Variants in THEMIS observed in about 807,000 individuals in gnomAD.
THEMIS encodes thymocyte selection associated, also known as protein THEMIS.
A neutral mutation model predicts 52.6 loss-of-function variants in THEMIS; 37 were observed. The ratio of observed to expected loss-of-function variants is 0.70; its 90% confidence interval spans 0.54 to 0.93. The LOEUF (loss-of-function observed/expected upper bound fraction) is 0.93, where lower values mean the gene tolerates loss of function less well. Ranked by LOEUF, THEMIS falls within the 40% of genes least tolerant of loss-of-function variation. THEMIS has a pLI of 0.00. For missense variants in THEMIS, 808 were observed against 763.1 expected (o/e 1.06, Z -0.69); for synonymous variants, 292 against 272.7 (o/e 1.07, Z -0.70).
At chr6:127,728,002 G>A (rs929861535) in intron 4 of THEMIS, among the ~76,000 whole-genome samples, 1 of 152,088 alleles carries the variant, frequency 6.6e-6, no homozygotes, top group African/African-American at 2.4e-5. Context: ...ATAGATCCAG[G>A]CATGGCTCTT....
At chr6:127,834,570 T>C (rs7749181) in intron 2 of THEMIS, among the ~76,000 whole-genome samples, 58,855 of 151,568 alleles carry the variant, frequency 0.39, 11,784 homozygotes, top group East Asian at 0.59. Flanking sequence ...GGCAACAGAG[T>C]GAGACTCCAT....
chr6:127,847,518 C>G (rs564720893), intron 2 of THEMIS, among the ~76,000 whole-genome samples: 1 of 151,884 alleles, frequency 6.6e-6, no homozygotes, highest in Non-Finnish European at 1.5e-5. Flanking sequence ...AAATCAAGAA[C>G]GCAATCCCTT....
At chr6:127,791,457 T>C (rs192492908) in intron 4 of THEMIS, among the ~76,000 whole-genome samples, 49 of 152,274 alleles carry the variant, frequency 3.2e-4, no homozygotes, top group Non-Finnish European at 5.3e-4. Context: ...TCCAAGATTT[T>C]TATGGGCTTA....
chr6:127,871,682 A>G (rs1361801238), intron 1 of THEMIS, among the ~76,000 whole-genome samples: 1 of 152,152 alleles, frequency 6.6e-6, no homozygotes, highest in Non-Finnish European at 1.5e-5. Context: ...ATAATTTGAC[A>G]ATTTAGTTGA....
chr6:127,823,014 A>T (rs1160272535), intron 3 of THEMIS, among the ~76,000 whole-genome samples: 1 of 152,190 alleles, frequency 6.6e-6, no homozygotes, highest in African/African-American at 2.4e-5. Flanking sequence ...TTTTATATAC[A>T]AATAAACACT....
At chr6:127,723,520 T>A (rs779333668) in intron 4 of THEMIS, among the ~76,000 whole-genome samples, 22 of 151,990 alleles carry the variant, frequency 1.4e-4, no homozygotes, top group Non-Finnish European at 2.4e-4. Context: ...ATCTACCACC[T>A]GTATGTTTAT....
chr6:127,806,222 G>A (rs1388224544), intron 4 of THEMIS, among the ~76,000 whole-genome samples: 1 of 151,986 alleles, frequency 6.6e-6, no homozygotes, highest in African/African-American at 2.4e-5. Context: ...TTTCTTAAAG[G>A]CCAGAAATCT....
intron 1 of THEMIS, chr6:127,868,536 A>C: frequency 5.3e-6 from 5 of 944,088 alleles, no homozygotes; most frequent in Non-Finnish European, 6.3e-6. Context: ...AACATATTGA[A>C]TTTCTCATTG....
At position 127,829,805 on chromosome 6, in the gene THEMIS, T is replaced by C; in HGVS notation, c.380A>G (p.Asn127Ser). The change falls in exon 3 of 6, where the codon AAC becomes AGC. Residue 127 changes from asparagine to serine, a missense_variant. Coordinates refer to ENST00000368248, the MANE Select transcript of THEMIS (RefSeq NM_001010923.3). Reference sequence around the variant, plus strand: ...TTGCTCACCCTGCTTTATGATGAGGTTCTCTAGTTTTATATCCTTCTGATG... The same window carrying C: ...TTGCTCACCCTGCTTTATGATGAGGCTCTCTAGTTTTATATCCTTCTGATG... ...FYHQKDIKLE[N>S]LIIKQGEQIM... 1.2e-6 allele frequency: 2 copies of C among 1,614,134 alleles called. No homozygotes were observed. Among genetic ancestry groups the C allele is most frequent in the Non-Finnish European group, 8.5e-7 (1 of 1,180,018 alleles).
intron 4 of THEMIS, among the ~76,000 whole-genome samples, chr6:127,743,515 T>C (rs750888155): frequency 1.1e-4 from 17 of 152,088 alleles, no homozygotes; most frequent in Non-Finnish European, 2.2e-4. Flanking sequence ...GGATACACCA[T>C]TCAGTCCTTA....
chr6:127,873,446 T>C (rs146848590), intron 1 of THEMIS, among the ~76,000 whole-genome samples: 3 of 152,244 alleles, frequency 2.0e-5, no homozygotes, highest in Non-Finnish European at 4.4e-5. Context: ...GGAATAGATA[T>C]ACGTATTAAA....
chr6:127,720,557 A>G (rs966446666), intron 4 of THEMIS, among the ~76,000 whole-genome samples: 2 of 152,018 alleles, frequency 1.3e-5, no homozygotes, highest in East Asian at 1.9e-4. Flanking sequence ...GTCAAATTGA[A>G]TAAGATTACA....
At chr6:127,835,195 C>G (rs888067779) in intron 2 of THEMIS, among the ~76,000 whole-genome samples, 5 of 152,100 alleles carry the variant, frequency 3.3e-5, no homozygotes, top group African/African-American at 7.2e-5. Context: ...CTTCACAATA[C>G]CACATATTTG....
chr6:127,845,452 T>C (rs984562777), intron 2 of THEMIS, among the ~76,000 whole-genome samples: 1 of 151,902 alleles, frequency 6.6e-6, no homozygotes, highest in African/African-American at 2.4e-5. Flanking sequence ...GCACTTTAAC[T>C]TGTATTCCCA....
At chr6:127,888,065 C>T (rs961090260) in intron 1 of THEMIS, among the ~76,000 whole-genome samples, 2 of 151,932 alleles carry the variant, frequency 1.3e-5, no homozygotes, top group Non-Finnish European at 2.9e-5. Flanking sequence ...TTAGTCAAGT[C>T]GATGTCCTGA....
intron 1 of THEMIS, among the ~76,000 whole-genome samples, chr6:127,898,561 C>T (rs975386972): frequency 1.3e-5 from 2 of 151,594 alleles, no homozygotes; most frequent in African/African-American, 4.8e-5. Context: ...TGTATCAGTA[C>T]AGTCACTATG....
At chr6:127,773,380 A>T (rs908141498) in intron 4 of THEMIS, among the ~76,000 whole-genome samples, 6 of 152,216 alleles carry the variant, frequency 3.9e-5, no homozygotes, top group Admixed American at 2.0e-4. Context: ...TTACATTTTT[A>T]GAGAGTATTT....
chr6:127,814,404 A>G (rs1778055925), intron 3 of THEMIS, among the ~76,000 whole-genome samples: 1 of 152,238 alleles, frequency 6.6e-6, no homozygotes, highest in Admixed American at 6.5e-5. Context: ...CAGACTTTAT[A>G]TATCAAATTA....
chr6:127,749,109 A>G (rs1775548325), intron 4 of THEMIS, among the ~76,000 whole-genome samples: 1 of 152,110 alleles, frequency 6.6e-6, no homozygotes, highest in South Asian at 2.1e-4. Flanking sequence ...GCCTTTGGCA[A>G]AAATCTCATA....
Sources: allele counts gnomAD v4.1 joint callset (sites outside exome capture counted in the v4.1 genomes callset), GRCh38; gene constraint gnomAD v4.1.1; transcripts MANE v1.5; gene names NCBI Gene and HGNC (gene_info 2026-07-23, HGNC 2026-07-21).